AGGF1: variants seen among roughly 807,000 people sequenced by gnomAD.
AGGF1 encodes angiogenic factor with G-patch and FHA domains 1.
AGGF1 carries 56 observed loss-of-function variants against 86.5 expected under a neutral mutation model. That is an observed-to-expected ratio of 0.65 (90% CI 0.52 to 0.81). AGGF1 has a LOEUF of 0.81. Ranked by LOEUF, AGGF1 falls within the 30% of genes least tolerant of loss-of-function variation. The pLI, the probability that AGGF1 is intolerant of heterozygous loss-of-function variation, is 0.00. For synonymous variants in AGGF1, 313 were observed against 297.1 expected (o/e 1.05, Z -0.55); for missense variants, 816 against 850.9 (o/e 0.96, Z 0.51).
chr5:77,043,884 C>T (rs1481599043), intron 5 of AGGF1, among the ~76,000 whole-genome samples: 1 of 142,764 alleles, frequency 7.0e-6, no homozygotes, highest in Non-Finnish European at 1.5e-5. Flanking sequence ...GGCAGAGACG[C>T]TCGTCACCTC....
At chr5:77,033,508 G>A (rs1746909884) in intron 1 of AGGF1, among the ~76,000 whole-genome samples, 1 of 152,158 alleles carries the variant, frequency 6.6e-6, no homozygotes, top group South Asian at 2.1e-4. Context: ...CTCCTAGGGC[G>A]AGGAATTTAA....
intron 6 of AGGF1, 52 bp from the exon 7 acceptor site, chr5:77,048,109 G>T: frequency 1.7e-6 from 2 of 1,175,104 alleles, no homozygotes; most frequent in East Asian, 2.3e-5. Context: ...TCCCTATGAA[G>T]TTCTTTTTCA....
At chr5:77,056,859 A>G (rs1747470563) in intron 11 of AGGF1, among the ~76,000 whole-genome samples, 1 of 152,204 alleles carries the variant, frequency 6.6e-6, no homozygotes, top group African/African-American at 2.4e-5. Flanking sequence ...CAAATCATGT[A>G]TCTGGTCAAA....
At chr5:77,050,523 C>T (rs1215875391) in intron 8 of AGGF1, among the ~76,000 whole-genome samples, 1 of 151,700 alleles carries the variant, frequency 6.6e-6, no homozygotes, top group African/African-American at 2.4e-5. Context: ...AACTAACATC[C>T]GCTAGTGGGG....
intron 11 of AGGF1, 130 bp from the exon 12 acceptor site, chr5:77,059,486 A>G (rs1473168018): frequency 3.4e-6 from 3 of 881,554 alleles, no homozygotes; most frequent in African/African-American, 1.7e-5. Context: ...ATTTCTTCAT[A>G]TCATAGCTTG....
chr5:77,051,392 C>T (rs148554737), intron 8 of AGGF1, among the ~76,000 whole-genome samples: 2,787 of 150,182 alleles, frequency 0.019, 37 homozygotes, highest in Non-Finnish European at 0.028. Context: ...GAGATCATGC[C>T]ACTGCACTCC....
intron 10 of AGGF1, among the ~76,000 whole-genome samples, chr5:77,054,675 A>G (rs1747430366): frequency 6.6e-6 from 1 of 152,206 alleles, no homozygotes; most frequent in African/African-American, 2.4e-5. Flanking sequence ...ACCTACATCA[A>G]AAATCATGTT....
intron 5 of AGGF1, among the ~76,000 whole-genome samples, chr5:77,043,273 C>T (rs1178766176): frequency 1.7e-4 from 5 of 29,890 alleles, no homozygotes; most frequent in Non-Finnish European, 1.5e-4. Flanking sequence ...AGAGGCGCCC[C>T]TCACCTCCCA....
chr5:77,035,936 GTTTT>G, intron 3 of AGGF1, 193 bp downstream of exon 3: 1 of 575,654 alleles, frequency 1.7e-6, no homozygotes, highest in Non-Finnish European at 3.0e-6. Flanking sequence ...ATATGTAGTG[GTTTT>G]CCTACTACAT....
chr5:77,033,919 C>A (rs535966403), intron 1 of AGGF1, among the ~76,000 whole-genome samples: 5 of 152,082 alleles, frequency 3.3e-5, no homozygotes, highest in Admixed American at 1.3e-4. Flanking sequence ...CCTCTCAGGC[C>A]GTCACCTTCC....
In AGGF1 at chr5:77,048,158, CA is replaced by C; in HGVS notation, c.1202-2del. The C allele has an allele frequency of 6.3e-7, 1 of 1,588,238 alleles. No individual in the cohort carries two copies. Among genetic ancestry groups the C allele is most frequent in the Non-Finnish European group, 8.6e-7 (1 of 1,157,204 alleles). ...AATATTTACTCACTTCTTTCCTTGGCAGATGAAGACAAAATTTGGCCCCCAT... is the reference window on the plus strand; with the variant it reads ...AATATTTACTCACTTCTTTCCTTGGCGATGAAGACAAAATTTGGCCCCCAT... On this transcript the variant is annotated splice_acceptor_variant, in intron 6 of 13. Coordinates refer to ENST00000312916, the MANE Select transcript of AGGF1 (RefSeq NM_018046.5). LOFTEE classifies it high-confidence loss of function.
chr5:77,059,762 T>C lies in AGGF1; in HGVS notation c.1844+19T>C. Reference sequence around the variant, plus strand: ...TTCATTCGTAAGTTTTGAATTACAGTGGCTCGAAACATCCTTTGTTCATAA... The same window carrying C: ...TTCATTCGTAAGTTTTGAATTACAGCGGCTCGAAACATCCTTTGTTCATAA... On this transcript the variant is annotated intron_variant, in intron 12 of 13. Transcript: ENST00000312916. The C allele has an allele frequency of 1.9e-6, 3 of 1,613,136 alleles. No homozygotes were observed. The highest frequency in any genetic ancestry group is 2.5e-6 in the Non-Finnish European group (3 of 1,179,380).
rs1747566124 is a variant in AGGF1, at chr5:77,061,636, G to A, written c.1845-67G>A. 13 of 1,473,024 alleles carry A rather than the reference G, an allele frequency of 8.8e-6. No homozygotes were observed. The South Asian group carries it at 1.5e-4, about 17-fold the overall frequency. The allele number at this position is 1,473,024 out of a possible 1,614,324, so 91.2% of individuals were successfully genotyped here. On this transcript the variant is annotated intron_variant, in intron 12 of 13. Transcript: ENST00000312916. The stretch of plus-strand genomic sequence containing the variant: ...GTTGTACCAATTACTTTTAATTCAT[G>A]AATTTATTATAAATGTGACCTAAAA...
At chr5:77,034,338 T>G in intron 1 of AGGF1, 80 bp from the exon 2 acceptor site, 1 of 876,596 alleles carries the variant, frequency 1.1e-6, no homozygotes, top group East Asian at 2.5e-5. Context: ...AAAACAATTA[T>G]TTGTAACGGT....
intron 7 of AGGF1, 65 bp downstream of exon 7, chr5:77,048,337 GT>G: frequency 7.6e-7 from 1 of 1,322,718 alleles, no homozygotes; most frequent in Non-Finnish European, 1.1e-6. Context: ...TTAAGAGCAT[GT>G]ATTTTTGTTT....
rs1746840506 is a variant in AGGF1, at chr5:77,031,045, C to CG, written c.210+71dup. On this transcript the variant is annotated intron_variant, in intron 1 of 13. Coordinates refer to ENST00000312916, the MANE Select transcript of AGGF1 (RefSeq NM_018046.5). ...AGGCCTTCGAAGCCCGTGATAGCCT[C>CG]GGAAGGGGTCCCTGGCAGGGGCTCA... is the stretch of plus-strand genomic sequence containing the variant. The CG allele has an allele frequency of 3.9e-6, 6 of 1,533,502 alleles. No homozygotes were observed. The Admixed American group carries it at 8.4e-5, about 21-fold the overall frequency. 95.0% of individuals were successfully genotyped at this position (1,533,502 alleles called of 1,614,324 possible).
At chr5:77,051,786 G>GA (rs1023311686) in intron 8 of AGGF1, among the ~76,000 whole-genome samples, 5 of 152,062 alleles carry the variant, frequency 3.3e-5, no homozygotes, top group African/African-American at 1.2e-4. Context: ...TAAAACCTTG[G>GA]AAAAAAACCC....
chr5:77,059,880 C>G (rs529141418), intron 12 of AGGF1, 137 bp downstream of exon 12: 29 of 1,178,362 alleles, frequency 2.5e-5, no homozygotes, highest in Non-Finnish European at 3.0e-5. Context: ...CTTGCTCCGT[C>G]GCCCAGGCTG....
At chr5:77,053,501 A>T (rs1747411563) in intron 9 of AGGF1, among the ~76,000 whole-genome samples, 1 of 152,242 alleles carries the variant, frequency 6.6e-6, no homozygotes, top group African/African-American at 2.4e-5. Context: ...CTTGGGCTAC[A>T]GAGTGAGACT....
Sources: gnomAD v4.1 joint callset for allele counts (sites outside exome capture counted in the v4.1 genomes callset) on GRCh38, gnomAD v4.1.1 for gene constraint, MANE v1.5 for transcripts, NCBI Gene and HGNC (gene_info 2026-07-23, HGNC 2026-07-21) for gene names.